The following TANK variants were observed in gnomAD, a reference collection of about 807,000 sequenced individuals.
The protein encoded by TANK is TRAF family member-associated NF-kappa-B activator.
In TANK, 15 loss-of-function variants were observed where a neutral mutation model predicts 43.6. The ratio of observed to expected loss-of-function variants is 0.34; its 90% CI spans 0.23 to 0.53. The LOEUF (loss-of-function observed/expected upper bound fraction) is 0.53, where lower values mean the gene tolerates loss of function less well. TANK is among the 20% of genes least tolerant of loss of function. TANK has a pLI of 0.94. For missense variants in TANK, 417 were observed against 498.6 expected, an observed-to-expected ratio of 0.84 and a Z score of 1.56; for synonymous variants, 162 against 178.2, an observed-to-expected ratio of 0.91 and a Z score of 0.73.
chr2:161,183,445 G>A (rs1203938533), intron 2 of TANK, among the ~76,000 whole-genome samples: 2 of 152,038 alleles, frequency 1.3e-5, no homozygotes, highest in East Asian at 1.9e-4. Flanking sequence ...TTAAGAAACC[G>A]TGACAATTCT....
chr2:161,169,317 A>C (rs539162465), intron 1 of TANK, among the ~76,000 whole-genome samples: 43 of 152,368 alleles, frequency 2.8e-4, no homozygotes, highest in Non-Finnish European at 4.0e-4. Flanking sequence ...AAACAAAGCA[A>C]ACAAGAATTT....
At chr2:161,231,850 C>T (rs184250513) in intron 7 of TANK, among the ~76,000 whole-genome samples, 3 of 152,262 alleles carry the variant, frequency 2.0e-5, no homozygotes. Context: ...AGCTTGTTTA[C>T]TCAGGATTAA....
chr2:161,206,219 ATTG>A (rs568428103), intron 4 of TANK, among the ~76,000 whole-genome samples: 108 of 152,238 alleles, frequency 7.1e-4, no homozygotes, highest in Middle Eastern at 3.4e-3. Context: ...TGTATATTAT[ATTG>A]TTCTCCATGT....
At position 161,204,800 on chromosome 2, in the gene TANK, A is replaced by T. The variant is rs368611584; in HGVS notation, c.327+7A>T. The T allele has an allele frequency of 2.5e-6, 4 of 1,604,988 alleles. No homozygotes were observed. Among genetic ancestry groups the T allele is most frequent in the Non-Finnish European group, 3.4e-6 (4 of 1,177,306 alleles). On this transcript the variant is annotated splice_region_variant and intron_variant, in intron 4 of 7. Coordinates refer to ENST00000392749, the MANE Select transcript of TANK (RefSeq NM_001199135.3). ...AAGAGAAAAACTACCAAAGGTAGAC[A>T]TTGCTTCTGCAGAAAGCAGCATTTA...
At chr2:161,167,798 T>C (rs550516396) in intron 1 of TANK, among the ~76,000 whole-genome samples, 1 of 152,166 alleles carries the variant, frequency 6.6e-6, no homozygotes, top group South Asian at 2.1e-4. Context: ...AATTTTTTTG[T>C]ATTTTTTAGT....
intron 2 of TANK, among the ~76,000 whole-genome samples, chr2:161,186,452 T>C (rs867232673): frequency 2.0e-5 from 3 of 152,212 alleles, no homozygotes; most frequent in African/African-American, 7.2e-5. Context: ...AAGGGCAGTC[T>C]CTTCAATAAA....
At chr2:161,136,965 C>A in exon 1 of TANK, 1 of 985,404 alleles carries the variant, frequency 1.0e-6, no homozygotes, top group Middle Eastern at 5.2e-4. Context: ...GTTTGAGCAG[C>A]ATTGTTAGAG....
intron 2 of TANK, chr2:161,200,402 T>G: frequency 2.0e-6 from 2 of 983,532 alleles, no homozygotes; most frequent in Non-Finnish European, 2.4e-6. Flanking sequence ...AACAAAAGCA[T>G]TTAATCAAAT....
At chr2:161,150,935 T>C (rs1257660739) in intron 1 of TANK, among the ~76,000 whole-genome samples, 1 of 152,224 alleles carries the variant, frequency 6.6e-6, no homozygotes, top group Non-Finnish European at 1.5e-5. Context: ...TTAATTTTCC[T>C]CTGAGCACTG....
At chr2:161,188,136 C>T (rs1416622749) in intron 2 of TANK, among the ~76,000 whole-genome samples, 2 of 151,566 alleles carry the variant, frequency 1.3e-5, no homozygotes, top group Non-Finnish European at 2.9e-5. Context: ...AACTTTATGC[C>T]TGAAGAAACT....
At chr2:161,209,201 A>T (rs1686776016) in intron 4 of TANK, among the ~76,000 whole-genome samples, 1 of 152,240 alleles carries the variant, frequency 6.6e-6, no homozygotes, top group African/African-American at 2.4e-5. Context: ...GGAGAATAAT[A>T]GCAATGCTTA....
At chr2:161,155,151 T>G (rs1684190320) in intron 1 of TANK, among the ~76,000 whole-genome samples, 1 of 152,202 alleles carries the variant, frequency 6.6e-6, no homozygotes, top group Non-Finnish European at 1.5e-5. Context: ...TGTAATTTTC[T>G]TATTTCTATA....
intron 2 of TANK, chr2:161,200,637 A>G (rs1419080656): frequency 1.4e-6 from 1 of 716,668 alleles, no homozygotes; most frequent in Admixed American, 6.3e-5. Flanking sequence ...AACATTACCT[A>G]TCTTTTGCAT....
chr2:161,208,368 A>G (rs1686738616), intron 4 of TANK, among the ~76,000 whole-genome samples: 1 of 152,204 alleles, frequency 6.6e-6, no homozygotes, highest in Non-Finnish European at 1.5e-5. Flanking sequence ...GAAAGAGGTA[A>G]AGACAAAGCC....
chr2:161,231,241 T>C lies in TANK; in HGVS notation c.791T>C (p.Val264Ala). ...GILSPATSEA[V>A]CQEKFNMEFR... ...CTTAGTCCTGCCACGTCTGAGGCAG[T>C]GTGCCAAGAGAAATTTAATATGGAG... The change falls in exon 7 of 8, where the codon GTG becomes GCG. Residue 264 changes from valine (V) to alanine (A), a missense_variant. Coordinates refer to ENST00000392749, the MANE Select transcript of TANK (RefSeq NM_001199135.3). 7 of 1,614,038 alleles carry C rather than the reference T, an allele frequency of 4.3e-6. No homozygotes were observed. The highest frequency in any genetic ancestry group is 5.1e-6 in the Non-Finnish European group (6 of 1,180,032).
At chr2:161,203,020 G>A (rs1188471756) in intron 2 of TANK, 2 of 295,812 alleles carry the variant, frequency 6.8e-6, no homozygotes, top group African/African-American at 2.3e-5. Context: ...CCTTTGATTT[G>A]TATCAACACT....
chr2:161,182,186 A>T (rs1337130719), intron 2 of TANK, among the ~76,000 whole-genome samples: 1 of 152,086 alleles, frequency 6.6e-6, no homozygotes, highest in Admixed American at 6.5e-5. Flanking sequence ...AGAAGACTTG[A>T]CAATTGTGAC....
intron 4 of TANK, among the ~76,000 whole-genome samples, chr2:161,209,082 T>A (rs1686770775): frequency 6.6e-6 from 1 of 152,200 alleles, no homozygotes; most frequent in Non-Finnish European, 1.5e-5. Flanking sequence ...CACTTAATAG[T>A]GAATTAAATT....
chr2:161,189,389 A>C (rs1283944261), intron 2 of TANK, among the ~76,000 whole-genome samples: 1 of 152,178 alleles, frequency 6.6e-6, no homozygotes, highest in Non-Finnish European at 1.5e-5. Context: ...AATAGAAGGA[A>C]ACGAACTCAA....
Sources: gnomAD v4.1 joint callset for allele counts (sites outside exome capture counted in the v4.1 genomes callset) on GRCh38, gnomAD v4.1.1 for gene constraint, MANE v1.5 for transcripts, NCBI Gene and HGNC (gene_info 2026-07-23, HGNC 2026-07-21) for gene names.